Variants in POU6F2 observed in about 807,000 individuals in gnomAD.
POU6F2 encodes the protein POU domain, class 6, transcription factor 2.
In POU6F2, 31 loss-of-function variants were observed where a neutral mutation model predicts 71.3. The observed-to-expected ratio is 0.43, with a 90% CI of 0.33 to 0.59. The LOEUF (loss-of-function observed/expected upper bound fraction) is 0.59, where lower values mean the gene tolerates loss of function less well. Among genes scored for constraint, POU6F2 ranks in the 20% least tolerant of loss-of-function variants. The pLI is 0.04. For synonymous variants in POU6F2, 347 were observed against 355.7 expected (o/e 0.98, Z 0.27); for missense variants, 783 against 856.8 (o/e 0.91, Z 1.07).
chr7:39,286,671 A>G (rs1784656503), intron 4 of POU6F2, among the ~76,000 whole-genome samples: 1 of 152,198 alleles, frequency 6.6e-6, no homozygotes, highest in African/African-American at 2.4e-5. Flanking sequence ...CCTTGGCCCT[A>G]TTACGCCAGT....
At chr7:39,381,285 T>A (rs1337028132) in intron 5 of POU6F2, among the ~76,000 whole-genome samples, 1 of 152,186 alleles carries the variant, frequency 6.6e-6, no homozygotes, top group Non-Finnish European at 1.5e-5. Context: ...TTGCCCCAGC[T>A]GGAGCGCAGT....
intron 1 of POU6F2, chr7:39,013,427 T>G (rs540224032): frequency 1.3e-5 from 2 of 158,856 alleles, no homozygotes; most frequent in South Asian, 3.9e-4. Context: ...GCCCACTGTC[T>G]GGAACTCCCT....
chr7:39,242,662 T>C (rs982425157), intron 4 of POU6F2, among the ~76,000 whole-genome samples: 3 of 152,070 alleles, frequency 2.0e-5, no homozygotes, highest in African/African-American at 7.2e-5. Context: ...TCTGAGGGGA[T>C]GAGAAGGGTA....
chr7:39,205,298 T>C (rs376229681), intron 3 of POU6F2, among the ~76,000 whole-genome samples: 1 of 152,138 alleles, frequency 6.6e-6, no homozygotes, highest in East Asian at 1.9e-4. Flanking sequence ...ACATTGTGTG[T>C]GTGTTCATGT....
chr7:39,073,872 G>A (rs1562695263), intron 1 of POU6F2, among the ~76,000 whole-genome samples: 1 of 152,164 alleles, frequency 6.6e-6, no homozygotes, highest in Admixed American at 6.5e-5. Flanking sequence ...GAAGTGGACT[G>A]GCTTATTTAG....
At chr7:39,410,342 C>T (rs760941141) in intron 6 of POU6F2, among the ~76,000 whole-genome samples, 95 of 152,182 alleles carry the variant, frequency 6.2e-4, no homozygotes, top group Non-Finnish European at 1.2e-3. Context: ...AAGTACATAT[C>T]TTACCCAGGG....
At chr7:38,988,896 T>C (rs1788528505) in intron 1 of POU6F2, among the ~76,000 whole-genome samples, 1 of 152,144 alleles carries the variant, frequency 6.6e-6, no homozygotes, top group South Asian at 2.1e-4. Context: ...TTATGAAAGC[T>C]GATTTCATTA....
At chr7:39,241,061 C>G (rs1470068764) in intron 4 of POU6F2, among the ~76,000 whole-genome samples, 1 of 152,118 alleles carries the variant, frequency 6.6e-6, no homozygotes, top group Non-Finnish European at 1.5e-5. Flanking sequence ...TTTGCAACAT[C>G]ATGTAACCTT....
At chr7:39,190,903 G>A (rs1212075614) in intron 2 of POU6F2, among the ~76,000 whole-genome samples, 2 of 152,026 alleles carry the variant, frequency 1.3e-5, no homozygotes. Context: ...CCAAAGTGCT[G>A]GGATTACAGG....
intron 5 of POU6F2, among the ~76,000 whole-genome samples, chr7:39,387,979 T>A (rs1786982521): frequency 6.6e-6 from 1 of 152,204 alleles, no homozygotes. Context: ...CCTTTAATTG[T>A]AAAATAAAAA....
At chr7:39,116,100 A>C (rs2128726605) in intron 2 of POU6F2, among the ~76,000 whole-genome samples, 1 of 152,266 alleles carries the variant, frequency 6.6e-6, no homozygotes, top group African/African-American at 2.4e-5. Context: ...AAAATTATGA[A>C]GCGAGCCGGG....
intron 2 of POU6F2, among the ~76,000 whole-genome samples, chr7:39,130,588 T>G (rs1404875481): frequency 6.6e-6 from 1 of 152,214 alleles, no homozygotes; most frequent in East Asian, 1.9e-4. Context: ...AGATTGTGTT[T>G]TTCTTGAAAA....
At chr7:39,237,140 C>A (rs1393643497) in intron 4 of POU6F2, among the ~76,000 whole-genome samples, 1 of 152,156 alleles carries the variant, frequency 6.6e-6, no homozygotes, top group Non-Finnish European at 1.5e-5. Flanking sequence ...CCAACACTTG[C>A]AGAAGCCTGA....
chr7:39,194,529 A>C (rs1211458767), intron 2 of POU6F2, among the ~76,000 whole-genome samples: 1 of 151,416 alleles, frequency 6.6e-6, no homozygotes, highest in Non-Finnish European at 1.5e-5. Flanking sequence ...AAAACGGAGC[A>C]ATCAGCACTC....
intron 5 of POU6F2, among the ~76,000 whole-genome samples, chr7:39,390,671 C>T (rs1178687624): frequency 3.9e-5 from 6 of 152,072 alleles, no homozygotes; most frequent in African/African-American, 1.2e-4. Context: ...TTAGTGCATT[C>T]GTTAAATCGG....
chr7:39,199,323 T>TA (rs938089274), intron 2 of POU6F2, among the ~76,000 whole-genome samples: 1 of 152,184 alleles, frequency 6.6e-6, no homozygotes, highest in African/African-American at 2.4e-5. Context: ...CTCTCGGGAT[T>TA]AAAAAGAGTA....
chr7:39,248,120 G>T (rs529071576), intron 4 of POU6F2, among the ~76,000 whole-genome samples: 1 of 152,036 alleles, frequency 6.6e-6, no homozygotes, highest in African/African-American at 2.4e-5. Flanking sequence ...AAGAAAGAAA[G>T]CACAGTGGCA....
chr7:39,128,706 G>T (rs1002885015), intron 2 of POU6F2, among the ~76,000 whole-genome samples: 4 of 152,162 alleles, frequency 2.6e-5, no homozygotes, highest in Non-Finnish European at 4.4e-5. Context: ...AAACAAGAAA[G>T]AAAACCAAAG....
intron 2 of POU6F2, among the ~76,000 whole-genome samples, chr7:39,130,161 TG>T: frequency 6.6e-6 from 1 of 151,112 alleles, no homozygotes; most frequent in African/African-American, 2.4e-5. Context: ...TGTGTGTGTG[TG>T]TGTGTGTGTG....
Sources: gnomAD v4.1 joint callset for allele counts (sites outside exome capture counted in the v4.1 genomes callset) on GRCh38, gnomAD v4.1.1 for gene constraint, MANE v1.5 for transcripts, NCBI Gene and HGNC (gene_info 2026-07-23, HGNC 2026-07-21) for gene names.